TRHDE: variants seen among roughly 807,000 people sequenced by gnomAD.
The protein encoded by TRHDE is thyrotropin-releasing hormone-degrading ectoenzyme.
In TRHDE, 72 loss-of-function variants were observed where a neutral mutation model predicts 125.7. The observed-to-expected ratio is 0.57, with a 90% CI of 0.47 to 0.70. The LOEUF (loss-of-function observed/expected upper bound fraction) is 0.70, where lower values mean the gene tolerates loss of function less well. Ranked by LOEUF, TRHDE falls within the 30% of genes least tolerant of loss-of-function variation. TRHDE has a pLI of 0.00. For synonymous variants in TRHDE, 509 were observed against 509.1 expected (o/e 1.00, Z 0.00); for missense variants, 1,110 against 1,327.1 (o/e 0.84, Z 2.54).
At chr12:72,553,888 A>T (rs1592531792) in intron 7 of TRHDE, among the ~76,000 whole-genome samples, 1 of 130,090 alleles carries the variant, frequency 7.7e-6, no homozygotes. Flanking sequence ...CGCTCTTGTC[A>T]CCCAGGCTGG....
intron 2 of TRHDE, among the ~76,000 whole-genome samples, chr12:72,363,789 G>C (rs891661177): frequency 6.6e-6 from 1 of 151,966 alleles, no homozygotes; most frequent in African/African-American, 2.4e-5. Flanking sequence ...GGCAGGAGAA[G>C]GAAATAAAGG....
intron 2 of TRHDE, among the ~76,000 whole-genome samples, chr12:72,317,242 T>A (rs1868845799): frequency 6.6e-6 from 1 of 152,184 alleles, no homozygotes; most frequent in Admixed American, 6.5e-5. Flanking sequence ...CCCTTAAAGA[T>A]GACCAAGGTT....
intron 3 of TRHDE, among the ~76,000 whole-genome samples, chr12:72,392,950 C>A (rs1251008765): frequency 6.6e-6 from 1 of 152,020 alleles, no homozygotes; most frequent in Non-Finnish European, 1.5e-5. Context: ...TATTAATAAA[C>A]ACCATATACT....
At chr12:72,604,443 AAC>A (rs200126873) in intron 12 of TRHDE, among the ~76,000 whole-genome samples, 1 of 120,322 alleles carries the variant, frequency 8.3e-6, no homozygotes, top group African/African-American at 4.3e-5. Flanking sequence ...CTTAATATTA[AAC>A]ATGTGATTCT....
At chr12:72,354,266 A>G (rs1378422835) in intron 2 of TRHDE, among the ~76,000 whole-genome samples, 2 of 151,510 alleles carry the variant, frequency 1.3e-5, no homozygotes, top group African/African-American at 2.4e-5. Context: ...TGTTACATGT[A>G]AAAAAAAGAT....
At chr12:72,224,122 C>G (rs145522601) in intron 2 of TRHDE, among the ~76,000 whole-genome samples, 1,385 of 74,626 alleles carry the variant, frequency 0.019, 21 homozygotes, top group African/African-American at 0.041. Flanking sequence ...ATCTATCTAT[C>G]TATCTATCTA....
At chr12:72,116,825 T>A (rs1875455858) in intron 2 of TRHDE, among the ~76,000 whole-genome samples, 2 of 152,184 alleles carry the variant, frequency 1.3e-5, no homozygotes, top group Non-Finnish European at 2.9e-5. Context: ...GTGCAGAAGC[T>A]CTTTAGTTTA....
intron 6 of TRHDE, among the ~76,000 whole-genome samples, chr12:72,535,184 G>T (rs1868791567): frequency 6.6e-6 from 1 of 151,878 alleles, no homozygotes; most frequent in East Asian, 1.9e-4. Context: ...TGAAATAGGT[G>T]TTCTTATTAT....
At chr12:72,151,512 G>A (rs1157543259) in intron 2 of TRHDE, among the ~76,000 whole-genome samples, 3 of 151,944 alleles carry the variant, frequency 2.0e-5, no homozygotes, top group Non-Finnish European at 4.4e-5. Context: ...TTTCTTCTAG[G>A]GTTTTTATGG....
intron 3 of TRHDE, among the ~76,000 whole-genome samples, chr12:72,408,429 C>A (rs548953597): frequency 6.6e-6 from 1 of 152,186 alleles, no homozygotes. Flanking sequence ...ATGTTTTTTG[C>A]AGAAAGGTAT....
intron 6 of TRHDE, among the ~76,000 whole-genome samples, chr12:72,539,985 A>G (rs938468591): frequency 2.6e-5 from 4 of 151,804 alleles, no homozygotes; most frequent in African/African-American, 9.7e-5. Context: ...AATGTTTTAA[A>G]GGCATGATGA....
chr12:72,532,583 ATATCT>A (rs1221732443), intron 6 of TRHDE, among the ~76,000 whole-genome samples: 14 of 151,192 alleles, frequency 9.3e-5, no homozygotes, highest in Non-Finnish European at 3.0e-5. Context: ...GTTTATTAAG[ATATCT>A]TATTATTTTG....
intron 2 of TRHDE, among the ~76,000 whole-genome samples, chr12:72,246,147 C>T (rs1425189816): frequency 2.6e-5 from 4 of 152,104 alleles, no homozygotes; most frequent in East Asian, 1.9e-4. Flanking sequence ...AATGACTACA[C>T]ATTTTCACCT....
At chr12:72,217,013 T>C (rs981611326) in intron 2 of TRHDE, among the ~76,000 whole-genome samples, 2 of 152,066 alleles carry the variant, frequency 1.3e-5, no homozygotes, top group South Asian at 2.1e-4. Context: ...GTTGTTTATA[T>C]GAGCAATTAT....
chr12:72,460,755 T>A (rs1463488847), intron 3 of TRHDE, among the ~76,000 whole-genome samples: 2 of 152,142 alleles, frequency 1.3e-5, no homozygotes, highest in African/African-American at 4.8e-5. Context: ...TAGTCATGTT[T>A]CTTAAAGCAA....
At position 72,250,837 on chromosome 12, in the gene TRHDE, GATATAT is replaced by G. The variant is rs376713479; in HGVS notation, n.280-127137_280-127132del. On this transcript the variant is annotated intron_variant and non_coding_transcript_variant, in intron 2 of 4. Coordinates refer to the TRHDE transcript ENST00000548156. ...TGTGTAACTTTCAATATGACTTACA[GATATAT>G]ATATATATATATATATATATTTTAT... Among the ~76,000 whole-genome samples, 88 of 117,946 alleles carry G rather than the reference GATATAT, an allele frequency of 7.5e-4. 1 individual carries two copies. The highest frequency in any genetic ancestry group is 5.8e-3 in the South Asian group (19 of 3,254). The allele number at this position is 117,946 out of a possible 152,430, so 77.4% of individuals were successfully genotyped here. A position where few individuals can be genotyped will look rare whatever the true frequency, so the allele number is the denominator to read the frequency against.
At chr12:72,523,346 G>A (rs1490318566) in intron 6 of TRHDE, among the ~76,000 whole-genome samples, 1 of 151,876 alleles carries the variant, frequency 6.6e-6, no homozygotes, top group Non-Finnish European at 1.5e-5. Flanking sequence ...TTCTTCTTTT[G>A]GTTAATAGGA....
At chr12:72,265,207 C>T (rs1163763845) in intron 2 of TRHDE, among the ~76,000 whole-genome samples, 2 of 151,472 alleles carry the variant, frequency 1.3e-5, no homozygotes, top group African/African-American at 4.8e-5. Context: ...GTAATTATAG[C>T]ATACAAATAA....
chr12:72,189,594 T>G (rs1020173671), intron 2 of TRHDE, among the ~76,000 whole-genome samples: 6 of 151,982 alleles, frequency 3.9e-5, no homozygotes, highest in Non-Finnish European at 8.8e-5. Context: ...TAAAGAAAAA[T>G]GTAGGGGCTA....
Sources: gnomAD v4.1 joint callset for allele counts (sites outside exome capture counted in the v4.1 genomes callset) on GRCh38, gnomAD v4.1.1 for gene constraint, MANE v1.5 for transcripts, NCBI Gene and HGNC (gene_info 2026-07-23, HGNC 2026-07-21) for gene names.